Variants in FAM227B observed in about 807,000 individuals in gnomAD.
FAM227B encodes the protein protein FAM227B.
In FAM227B, 88 loss-of-function variants were observed where a neutral mutation model predicts 73.8. That is an observed-to-expected ratio of 1.19 (90% CI 1.00 to 1.42). FAM227B has a LOEUF of 1.42. FAM227B is among the 40% of genes most tolerant of loss of function. FAM227B has a pLI of 0.00. For synonymous variants in FAM227B, 210 were observed against 190.5 expected, an observed-to-expected ratio of 1.10 and a Z score of -0.84; for missense variants, 632 against 590.9, an observed-to-expected ratio of 1.07 and a Z score of -0.72.
At chr15:49,543,382 G>C (rs1479567454) in intron 9 of FAM227B, among the ~76,000 whole-genome samples, 1 of 152,044 alleles carries the variant, frequency 6.6e-6, no homozygotes, top group East Asian at 1.9e-4. Context: ...TGATTCGTTT[G>C]AGTTTCTTGT....
At chr15:49,472,197 G>C (rs1436630008) in intron 11 of FAM227B, among the ~76,000 whole-genome samples, 1 of 152,176 alleles carries the variant, frequency 6.6e-6, no homozygotes, top group Non-Finnish European at 1.5e-5. Flanking sequence ...CATTAGTTAA[G>C]ATTCAGTTTG....
At chr15:49,419,765 T>A (rs929368826) in intron 11 of FAM227B, among the ~76,000 whole-genome samples, 7 of 151,866 alleles carry the variant, frequency 4.6e-5, no homozygotes, top group Non-Finnish European at 8.8e-5. Context: ...CAGGTTTTTT[T>A]ATTATTATTA....
chr15:49,546,076 T>C (rs1441863174), intron 9 of FAM227B, among the ~76,000 whole-genome samples: 1 of 152,094 alleles, frequency 6.6e-6, no homozygotes, highest in Non-Finnish European at 1.5e-5. Context: ...TCATTTAGCA[T>C]TAGGTATATC....
chr15:49,608,275 G>A (rs2077653343), intron 3 of FAM227B, among the ~76,000 whole-genome samples: 1 of 152,090 alleles, frequency 6.6e-6, no homozygotes. Flanking sequence ...GCAAGAATTG[G>A]CTATGTATTT....
intron 5 of FAM227B, among the ~76,000 whole-genome samples, chr15:49,578,289 G>A (rs2075590065): frequency 6.6e-6 from 1 of 152,154 alleles, no homozygotes. Context: ...CAGTTGAAGG[G>A]TGTCCCTTAA....
chr15:49,346,487 G>A lies in FAM227B; in HGVS notation c.1272-10991C>T, dbSNP rs148705877. Among the ~76,000 whole-genome samples, 860 of 152,238 alleles carry A rather than the reference G, an allele frequency of 5.6e-3. 6 individuals carry two copies. Among genetic ancestry groups the A allele is most frequent in the African/African-American group, 0.02 (820 of 41,540 alleles). On this transcript the variant is annotated intron_variant, in intron 13 of 15. Transcript: ENST00000299338. ...CTTATTTTAGGGGAAGTAGATGTGA[G>A]AGCTGTTCTCCTGCCTCCTTGCTTG...
chr15:49,451,091 T>C (rs1045337158), intron 11 of FAM227B, among the ~76,000 whole-genome samples: 3 of 152,106 alleles, frequency 2.0e-5, no homozygotes. Context: ...TATAATCCCA[T>C]GACCTAGAAA....
At chr15:49,518,484 A>T (rs907217458) in intron 10 of FAM227B, among the ~76,000 whole-genome samples, 2 of 152,118 alleles carry the variant, frequency 1.3e-5, no homozygotes, top group Non-Finnish European at 2.9e-5. Flanking sequence ...ATTTATCAAG[A>T]AAAAAGAGGT....
chr15:49,614,508 T>C (rs1294294530), intron 2 of FAM227B, among the ~76,000 whole-genome samples: 2 of 152,186 alleles, frequency 1.3e-5, no homozygotes, highest in African/African-American at 2.4e-5. Context: ...ACTGCAGAAG[T>C]TGTAAACCCA....
intron 11 of FAM227B, chr15:49,424,628 A>T (rs747707846): frequency 7.1e-7 from 1 of 1,413,614 alleles, no homozygotes; most frequent in Non-Finnish European, 9.5e-7. Context: ...CAATCTGTTA[A>T]TGGATCAATT....
At chr15:49,520,343 T>C (rs148554015) in intron 10 of FAM227B, among the ~76,000 whole-genome samples, 2 of 150,658 alleles carry the variant, frequency 1.3e-5, no homozygotes, top group East Asian at 3.9e-4. Context: ...CTTTTCCACA[T>C]GTTTATGTTT....
chr15:49,349,439 T>G (rs1209997128), intron 13 of FAM227B, among the ~76,000 whole-genome samples: 1 of 152,186 alleles, frequency 6.6e-6, no homozygotes, highest in African/African-American at 2.4e-5. Flanking sequence ...TAAAATGTCT[T>G]TCTCTAAGAG....
Position 49,403,841 on chromosome 15 carries a change from T to A in FAM227B, c.1013-32442A>T, listed in dbSNP as rs913426477. ...TCTCTTGGTTCTCTAGTTCTTTTAG[T>A]TGTGATGTTAGGTTGTTAACTTGAG... On this transcript the variant is annotated intron_variant, in intron 11 of 15. Coordinates refer to ENST00000299338, the MANE Select transcript of FAM227B (RefSeq NM_152647.3). Among the ~76,000 whole-genome samples the A allele has an allele frequency of 3.1e-4, 47 of 152,270 alleles. 1 individual carries two copies. Among genetic ancestry groups the A allele is most frequent in the African/African-American group, 1.1e-3 (44 of 41,556 alleles).
At chr15:49,578,469 C>CATAGATAGATAGATAGATAGATAGATAG (rs141756297) in intron 5 of FAM227B, among the ~76,000 whole-genome samples, 14 of 151,352 alleles carry the variant, frequency 9.2e-5, no homozygotes, top group Non-Finnish European at 1.5e-4. Flanking sequence ...TATAGACAGA[C>CATAGATAGATAGATAGATAGATAGATAG]ATAGATAGAT....
At chr15:49,523,966 T>A (rs190075244) in intron 10 of FAM227B, among the ~76,000 whole-genome samples, 16 of 151,574 alleles carry the variant, frequency 1.1e-4, no homozygotes, top group Non-Finnish European at 1.2e-4. Context: ...GCATTCAAGA[T>A]GTGACTTGGA....
intron 9 of FAM227B, among the ~76,000 whole-genome samples, chr15:49,550,294 G>A (rs1265504787): frequency 6.3e-5 from 8 of 127,252 alleles, no homozygotes; most frequent in African/African-American, 1.8e-4. Flanking sequence ...GGGCAGAGGC[G>A]CCCCTCACCT....
intron 13 of FAM227B, chr15:49,366,569 T>G: frequency 6.3e-7 from 1 of 1,597,134 alleles, no homozygotes; most frequent in Non-Finnish European, 8.6e-7. Context: ...GCAGTAGTCC[T>G]TGGATGTGCC....
intron 5 of FAM227B, among the ~76,000 whole-genome samples, chr15:49,581,716 A>G (rs963653515): frequency 6.6e-6 from 1 of 152,186 alleles, no homozygotes; most frequent in Non-Finnish European, 1.5e-5. Context: ...TTTTTCAGAA[A>G]AGCAAATGTT....
chr15:49,414,879 G>A (rs958272302), intron 11 of FAM227B, among the ~76,000 whole-genome samples: 8 of 152,100 alleles, frequency 5.3e-5, no homozygotes, highest in African/African-American at 1.9e-4. Context: ...TAGAAATAAC[G>A]TTTAGCTTGA....
Sources: allele counts gnomAD v4.1 joint callset (sites outside exome capture counted in the v4.1 genomes callset), GRCh38; gene constraint gnomAD v4.1.1; transcripts MANE v1.5; gene names NCBI Gene and HGNC (gene_info 2026-07-23, HGNC 2026-07-21).